STK32B: variants seen among roughly 807,000 people sequenced by gnomAD.
STK32B encodes the protein serine/threonine-protein kinase 32B.
STK32B carries 43 observed loss-of-function variants against 52.6 expected under a neutral mutation model. That is an observed-to-expected ratio of 0.82 (90% confidence interval 0.64 to 1.05). The LOEUF (loss-of-function observed/expected upper bound fraction) is 1.05, where lower values mean the gene tolerates loss of function less well. Ranked by LOEUF, STK32B falls within the 50% of genes least tolerant of loss-of-function variation. The pLI, the probability that STK32B is intolerant of heterozygous loss-of-function variation, is 0.00. For synonymous variants in STK32B, 238 were observed against 204.3 expected (o/e 1.17, Z -1.41); for missense variants, 621 against 534.6 (o/e 1.16, Z -1.59).
chr4:5,288,278 A>T (rs768338270), intron 3 of STK32B, among the ~76,000 whole-genome samples: 8 of 152,190 alleles, frequency 5.3e-5, no homozygotes, highest in Admixed American at 2.6e-4. Flanking sequence ...GAAGGATGGC[A>T]TAGTAACTCT....
intron 4 of STK32B, among the ~76,000 whole-genome samples, chr4:5,348,433 C>T (rs1415702123): frequency 6.6e-6 from 1 of 152,124 alleles, no homozygotes; most frequent in African/African-American, 2.4e-5. Flanking sequence ...CTCTGGAATC[C>T]CATGGACATT....
intron 3 of STK32B, among the ~76,000 whole-genome samples, chr4:5,247,385 T>G (rs1232507656): frequency 6.6e-6 from 1 of 152,216 alleles, no homozygotes; most frequent in Non-Finnish European, 1.5e-5. Flanking sequence ...GTGCAGGATA[T>G]AATCTCCTGG....
intron 3 of STK32B, among the ~76,000 whole-genome samples, chr4:5,259,163 C>A (rs1726537191): frequency 6.6e-6 from 1 of 152,158 alleles, no homozygotes; most frequent in Non-Finnish European, 1.5e-5. Context: ...CCACACACCT[C>A]CTCTATTTTT....
chr4:5,189,984 A>G (rs777709353), intron 3 of STK32B, among the ~76,000 whole-genome samples: 2 of 152,136 alleles, frequency 1.3e-5, no homozygotes, highest in African/African-American at 2.4e-5. Flanking sequence ...GAATGAACCA[A>G]TTGAAAGAAT....
At chr4:5,140,284 C>A (rs1257113209) in intron 2 of STK32B, 5 of 1,360,154 alleles carry the variant, frequency 3.7e-6, no homozygotes, top group Admixed American at 2.2e-5. Context: ...CTCTTTCCAG[C>A]AACATAGACG....
chr4:5,098,718 G>T (rs911908080), intron 1 of STK32B, among the ~76,000 whole-genome samples: 3 of 152,128 alleles, frequency 2.0e-5, no homozygotes, highest in Non-Finnish European at 4.4e-5. Context: ...CCCTCTTCCT[G>T]GTCTCCCAGC....
chr4:5,407,376 A>C (rs1737749900), intron 5 of STK32B, among the ~76,000 whole-genome samples: 2 of 151,754 alleles, frequency 1.3e-5, no homozygotes, highest in African/African-American at 4.8e-5. Flanking sequence ...CACTCTTCCA[A>C]CCTCTGCCAG....
rs541126203 is a variant in STK32B at position 5,280,116 on chromosome 4, C to G, written c.261-51104C>G. Reference sequence around the variant, plus strand: ...TCTCCAGAAAATAGGTTTTTCTTTTCTACCACATGGTCAGGCTGCAAATTT... The same window carrying G: ...TCTCCAGAAAATAGGTTTTTCTTTTGTACCACATGGTCAGGCTGCAAATTT... On this transcript the variant is annotated intron_variant, in intron 3 of 11. Transcript: ENST00000282908. Among the ~76,000 whole-genome samples, 3 of 152,324 alleles carry G rather than the reference C, an allele frequency of 2.0e-5. No individual in the cohort carries two copies. In the South Asian group the frequency reaches 6.2e-4, roughly 32 times the overall value.
At chr4:5,223,112 A>T (rs942978904) in intron 3 of STK32B, among the ~76,000 whole-genome samples, 2 of 152,196 alleles carry the variant, frequency 1.3e-5, no homozygotes, top group East Asian at 1.9e-4. Flanking sequence ...ATAGCTTAAG[A>T]AGGCCCAGGT....
the STK32B span, among the ~76,000 whole-genome samples, chr4:5,042,403 G>A: frequency 6.6e-6 from 1 of 152,184 alleles, no homozygotes; most frequent in Non-Finnish European, 1.5e-5. Context: ...CAGGCAAGAG[G>A]GCAAGACCTG....
chr4:5,069,608 C>T (rs1711627810), intron 1 of STK32B, among the ~76,000 whole-genome samples: 1 of 152,190 alleles, frequency 6.6e-6, no homozygotes, highest in South Asian at 2.1e-4. Flanking sequence ...GTTTCTTCAC[C>T]TCTCTGACCC....
At chr4:5,426,612 G>T (rs1223528043) in intron 6 of STK32B, among the ~76,000 whole-genome samples, 1 of 147,806 alleles carries the variant, frequency 6.8e-6, no homozygotes, top group Non-Finnish European at 1.5e-5. Context: ...GAGTCTGAAG[G>T]CCAGGAGGCG....
intron 1 of STK32B, among the ~76,000 whole-genome samples, chr4:5,071,630 A>G (rs1451822101): frequency 2.0e-5 from 3 of 152,186 alleles, no homozygotes; most frequent in South Asian, 4.1e-4. Context: ...TCTCCAGAGT[A>G]TAATTATGCC....
chr4:5,149,803 G>C (rs185046144), intron 2 of STK32B, among the ~76,000 whole-genome samples: 3 of 151,908 alleles, frequency 2.0e-5, no homozygotes, highest in Non-Finnish European at 4.4e-5. Flanking sequence ...GAGGAAAATA[G>C]TTTTTGATAT....
intron 3 of STK32B, among the ~76,000 whole-genome samples, chr4:5,296,314 C>T (rs1194353149): frequency 1.3e-5 from 2 of 152,074 alleles, no homozygotes; most frequent in African/African-American, 2.4e-5. Context: ...TCCTGAATAT[C>T]CTTGTTAATT....
the STK32B span, among the ~76,000 whole-genome samples, chr4:5,029,128 T>C: frequency 0.15 from 23,203 of 152,086 alleles, 1,888 homozygotes; most frequent in African/African-American, 0.19. Context: ...GGGATTACAA[T>C]TGAACATGAG....
At chr4:5,391,634 G>C (rs549351609) in intron 4 of STK32B, among the ~76,000 whole-genome samples, 9 of 151,950 alleles carry the variant, frequency 5.9e-5, no homozygotes, top group African/African-American at 2.2e-4. Flanking sequence ...GTCTGGCCTG[G>C]CTGGGCCACA....
intron 3 of STK32B, among the ~76,000 whole-genome samples, chr4:5,284,112 G>A (rs1010860944): frequency 1.2e-4 from 18 of 152,046 alleles, no homozygotes; most frequent in Non-Finnish European, 1.9e-4. Context: ...GGGAGTGAAT[G>A]CATAAGTTTT....
chr4:5,234,021 G>T (rs1251720752), intron 3 of STK32B, among the ~76,000 whole-genome samples: 1 of 152,014 alleles, frequency 6.6e-6, no homozygotes, highest in African/African-American at 2.4e-5. Context: ...ACCTGGATCT[G>T]CCCTGACTCC....
Sources: gnomAD v4.1 joint callset for allele counts (sites outside exome capture counted in the v4.1 genomes callset) on GRCh38, gnomAD v4.1.1 for gene constraint, MANE v1.5 for transcripts, NCBI Gene and HGNC (gene_info 2026-07-23, HGNC 2026-07-21) for gene names.